The following YKT6 variants were observed in gnomAD, a reference collection of about 807,000 sequenced individuals.
YKT6 encodes the protein synaptobrevin homolog YKT6.
A neutral mutation model predicts 29.3 loss-of-function variants in YKT6; 12 were observed. That is an observed-to-expected ratio of 0.41 (90% CI 0.26 to 0.66). The LOEUF (loss-of-function observed/expected upper bound fraction) is 0.66. Among genes scored for constraint, YKT6 ranks in the 30% least tolerant of loss-of-function variants. The pLI, the probability that YKT6 is intolerant of heterozygous loss-of-function variation, is 0.32. For missense variants in YKT6, 188 were observed against 243.8 expected, an observed-to-expected ratio of 0.77 and a Z score of 1.52; for synonymous variants, 86 against 94.3, an observed-to-expected ratio of 0.91 and a Z score of 0.51.
chr7:44,205,033 A>G (rs1334804627), intron 2 of YKT6, among the ~76,000 whole-genome samples: 2 of 152,178 alleles, frequency 1.3e-5, no homozygotes, highest in African/African-American at 4.8e-5. Context: ...ATCTGAAAAA[A>G]CTATTTTTTC....
intron 5 of YKT6, among the ~76,000 whole-genome samples, chr7:44,209,744 G>A (rs1158653234): frequency 1.3e-5 from 2 of 152,226 alleles, no homozygotes; most frequent in Admixed American, 6.5e-5. Flanking sequence ...GGAGAGAAGC[G>A]AGCTGCTGCT....
chr7:44,209,273 C>A (rs934052311), intron 5 of YKT6, among the ~76,000 whole-genome samples: 1 of 152,198 alleles, frequency 6.6e-6, no homozygotes, highest in East Asian at 1.9e-4. Flanking sequence ...AGCCTGGGAA[C>A]CTGCATTTTA....
At chr7:44,210,851 C>T in intron 5 of YKT6, 172 bp from the exon 6 acceptor site, 1 of 682,090 alleles carries the variant, frequency 1.5e-6, no homozygotes, top group Non-Finnish European at 2.7e-6. Flanking sequence ...GGTTCTGTTC[C>T]ATCCACTTGG....
chr7:44,210,827 C>A, intron 5 of YKT6, 196 bp from the exon 6 acceptor site: 2 of 645,160 alleles, frequency 3.1e-6, no homozygotes, highest in Non-Finnish European at 5.7e-6. Context: ...CTAGATTTCA[C>A]GGGAATGTCA....
At chr7:44,204,514 T>C (rs751118015) in intron 1 of YKT6, 54 bp from the exon 2 acceptor site, 165 of 1,581,604 alleles carry the variant, frequency 1.0e-4, no homozygotes, top group Non-Finnish European at 1.3e-4. Flanking sequence ...CTTTCCACTG[T>C]GTTGGGGACA....
rs2096346439 is a variant in YKT6 at position 44,211,211 on chromosome 7, G to A, written c.561+87G>A. The A allele has an allele frequency of 8.3e-6, 10 of 1,206,062 alleles. No homozygotes were observed. In the East Asian group the frequency reaches 1.5e-4, roughly 18 times the overall value. 74.7% of individuals were successfully genotyped at this position (1,206,062 alleles called of 1,614,324 possible). The stretch of plus-strand genomic sequence containing the variant: ...GCTTCTGGCACTCTCCACTATGAAC[G>A]GGTCTTTCTTAGACTGTTGAATCAT... On this transcript the variant is annotated intron_variant, in intron 6 of 6. Coordinates refer to ENST00000223369, the MANE Select transcript of YKT6 (RefSeq NM_006555.4).
rs1307160446 is a variant in YKT6 at position 44,213,405 on chromosome 7, G to A, written c.*1123G>A. 6.6e-6 allele frequency: 1 copy of A among 152,338 alleles called. No individual in the cohort carries two copies. The highest frequency in any genetic ancestry group is 1.5e-5 in the Non-Finnish European group (1 of 68,142). 9.4% of individuals were successfully genotyped at this position (152,338 alleles called of 1,614,324 possible). ...TCTTGGTCAGAGGTAGCTGCAGAGG[G>A]GGGAGGCCAAGGGTTTGGTCTAAGC... On this transcript the variant is annotated 3_prime_UTR_variant, in exon 7 of 7. Transcript: ENST00000223369.
chr7:44,214,272 G>C lies in YKT6; in HGVS notation c.*1990G>C, dbSNP rs1477506578. On this transcript the variant is annotated 3_prime_UTR_variant, in exon 7 of 7. Transcript: ENST00000223369. ...GTTCTATTTGAGAGGCGCCTGTCTG[G>C]ATAAAGTTGTCTTGAAATTTCACAG... The C allele has an allele frequency of 1.3e-5, 2 of 152,188 alleles. No homozygotes were observed. Among genetic ancestry groups the C allele is most frequent in the Admixed American group, 1.3e-4 (2 of 15,282 alleles). The allele number at this position is 152,188 out of a possible 1,614,324, so 9.4% of individuals were successfully genotyped here. A position where few individuals can be genotyped will look rare whatever the true frequency, so the allele number is the denominator to read the frequency against.
intron 6 of YKT6, 127 bp downstream of exon 6, chr7:44,211,251 T>C (rs1489639497): frequency 3.3e-6 from 3 of 919,248 alleles, no homozygotes. Flanking sequence ...GATGATTCCT[T>C]GTGCGGCAAG....
At chr7:44,202,570 G>T (rs561621945) in intron 1 of YKT6, among the ~76,000 whole-genome samples, 3 of 152,220 alleles carry the variant, frequency 2.0e-5, no homozygotes, top group Non-Finnish European at 4.4e-5. Context: ...TGTCCTCAAG[G>T]CTCATGCATC....
Position 44,212,377 on chromosome 7 carries a change from CAG to C in YKT6, c.*98_*99del. On this transcript the variant is annotated 3_prime_UTR_variant, in exon 7 of 7. Transcript: ENST00000223369. The stretch of plus-strand genomic sequence containing the variant: ...GAAGAGACAGCCATAGACGAGGAGC[CAG>C]AGTGGGGGCAGACTGGCCATTTTTA... The C allele has an allele frequency of 1.3e-6, 2 of 1,517,790 alleles. No homozygotes were observed. The highest frequency in any genetic ancestry group is 1.8e-6 in the Non-Finnish European group (2 of 1,105,218). 94.0% of individuals were successfully genotyped at this position (1,517,790 alleles called of 1,614,324 possible). A position where few individuals can be genotyped will look rare whatever the true frequency, so the allele number is the denominator to read the frequency against.
chr7:44,201,481 C>T (rs1420437574), intron 1 of YKT6, among the ~76,000 whole-genome samples: 5 of 152,204 alleles, frequency 3.3e-5, no homozygotes, highest in Non-Finnish European at 5.9e-5. Flanking sequence ...ATAATGGAAT[C>T]TGGCCGTGGA....
intron 1 of YKT6, among the ~76,000 whole-genome samples, chr7:44,202,292 A>T (rs956441521): frequency 1.3e-5 from 2 of 152,196 alleles, no homozygotes; most frequent in Non-Finnish European, 2.9e-5. Context: ...ATTGTGGTAA[A>T]ATGGTACACA....
chr7:44,208,301 C>G (rs1447343614), intron 5 of YKT6, 103 bp downstream of exon 5: 1 of 1,286,506 alleles, frequency 7.8e-7, no homozygotes, highest in Non-Finnish European at 1.1e-6. Context: ...TAATAGTAAC[C>G]ACGGCACTCT....
In YKT6 at chr7:44,213,007, T is replaced by C. The variant is rs139575583; in HGVS notation, c.*725T>C. ...GTGGGCGGGGAGTGTGTGGGTTGGG[T>C]TCGTACCAGCAAGTAGACTAGGAAC... On this transcript the variant is annotated 3_prime_UTR_variant, in exon 7 of 7. Coordinates refer to ENST00000223369, the MANE Select transcript of YKT6 (RefSeq NM_006555.4). The C allele has an allele frequency of 6.6e-6, 1 of 152,078 alleles. No individual in the cohort carries two copies. The highest frequency in any genetic ancestry group is 1.5e-5 in the Non-Finnish European group (1 of 68,002). 9.4% of individuals were successfully genotyped at this position (152,078 alleles called of 1,614,324 possible). A position where few individuals can be genotyped will look rare whatever the true frequency, so the allele number is the denominator to read the frequency against.
chr7:44,210,818 T>C, intron 5 of YKT6: 1 of 634,892 alleles, frequency 1.6e-6, no homozygotes, highest in Non-Finnish European at 2.9e-6. Context: ...TTAGATCTTC[T>C]AGATTTCACG....
Position 44,212,656 on chromosome 7 carries a change from C to A in YKT6, c.*374C>A. 1 of 197,266 alleles carries A rather than the reference C, an allele frequency of 5.1e-6. No individual in the cohort carries two copies. The highest frequency in any genetic ancestry group is 1.0e-5 in the Non-Finnish European group (1 of 96,354). The allele number at this position is 197,266 out of a possible 1,614,324, so 12.2% of individuals were successfully genotyped here. ...GGTATATCTTTGGATCTTATTTGTA[C>A]ATTAATGATATTAACACTCCAGTGG... On this transcript the variant is annotated 3_prime_UTR_variant, in exon 7 of 7. Coordinates refer to ENST00000223369, the MANE Select transcript of YKT6 (RefSeq NM_006555.4).
At chr7:44,207,647 T>C (rs1331630442) in intron 4 of YKT6, among the ~76,000 whole-genome samples, 155 bp downstream of exon 4, 1 of 152,186 alleles carries the variant, frequency 6.6e-6, no homozygotes, top group Admixed American at 6.5e-5. Flanking sequence ...AAACAGAGAA[T>C]CTACGTTCAG....
In YKT6 at chr7:44,201,054, G is replaced by T. The variant is rs963812618; in HGVS notation, c.-82G>T. ...TGCTGAGAGGCCGGTAGGCGGCGGC[G>T]GTCCCGAGGGGCGGCGGCCGCGCTG... is the stretch of plus-strand genomic sequence containing the variant. On this transcript the variant is annotated 5_prime_UTR_variant, in exon 1 of 7. Coordinates refer to ENST00000223369, the MANE Select transcript of YKT6 (RefSeq NM_006555.4). The T allele has an allele frequency of 2.4e-6, 3 of 1,241,574 alleles. No homozygotes were observed. Among genetic ancestry groups the T allele is most frequent in the South Asian group, 3.1e-5 (2 of 63,876 alleles). 76.9% of individuals were successfully genotyped at this position (1,241,574 alleles called of 1,614,324 possible). A position where few individuals can be genotyped will look rare whatever the true frequency, so the allele number is the denominator to read the frequency against.
Sources: gnomAD v4.1 joint callset for allele counts (sites outside exome capture counted in the v4.1 genomes callset) on GRCh38, gnomAD v4.1.1 for gene constraint, MANE v1.5 for transcripts, NCBI Gene and HGNC (gene_info 2026-07-23, HGNC 2026-07-21) for gene names.